Variants in CAB39 observed in about 807,000 individuals in gnomAD.
CAB39 encodes the protein calcium-binding protein 39.
CAB39 carries 8 observed loss-of-function variants against 40.0 expected under a neutral mutation model. The observed-to-expected ratio is 0.20, with a 90% CI of 0.12 to 0.36. CAB39 has a LOEUF of 0.36. CAB39 is among the 10% of genes least tolerant of loss of function. The probability of loss-of-function intolerance (pLI) is 1.00; values close to 1 mark genes in which losing one functional copy is unlikely to be tolerated. For missense variants in CAB39, 270 were observed against 401.1 expected, an observed-to-expected ratio of 0.67 and a Z score of 2.79; for synonymous variants, 156 against 141.6, an observed-to-expected ratio of 1.10 and a Z score of -0.72.
chr2:230,752,520 G>A (rs956167969), intron 1 of CAB39, among the ~76,000 whole-genome samples: 2 of 152,176 alleles, frequency 1.3e-5, no homozygotes, highest in African/African-American at 4.8e-5. Flanking sequence ...TGGCAGAAGA[G>A]AGCAATCCAC....
intron 1 of CAB39, among the ~76,000 whole-genome samples, chr2:230,755,766 T>C (rs975716004): frequency 6.6e-6 from 1 of 152,234 alleles, no homozygotes. Flanking sequence ...ATTTGTGTTA[T>C]TCCCTTAAAT....
intron 1 of CAB39, among the ~76,000 whole-genome samples, chr2:230,755,042 C>T (rs572605444): frequency 1.3e-5 from 2 of 152,062 alleles, no homozygotes; most frequent in Non-Finnish European, 2.9e-5. Flanking sequence ...GAGTAGTAGT[C>T]CATCATATAT....
intron 1 of CAB39, among the ~76,000 whole-genome samples, chr2:230,745,209 T>A (rs539054141): frequency 6.6e-6 from 1 of 152,364 alleles, no homozygotes; most frequent in South Asian, 2.1e-4. Flanking sequence ...GAATTAATGG[T>A]CTACTTGACA....
intron 1 of CAB39, among the ~76,000 whole-genome samples, chr2:230,715,881 A>G (rs1410752779): frequency 1.3e-5 from 2 of 152,100 alleles, no homozygotes; most frequent in African/African-American, 4.8e-5. Context: ...TTGTATTTTT[A>G]TAGAGACAGG....
intron 2 of CAB39, among the ~76,000 whole-genome samples, chr2:230,767,892 A>G (rs1695415605): frequency 6.6e-6 from 1 of 152,024 alleles, no homozygotes; most frequent in Non-Finnish European, 1.5e-5. Context: ...CTTACCTCCT[A>G]TATTTTTCAA....
Position 230,818,821 on chromosome 2 carries a change from G to T in CAB39, c.*117G>T, listed in dbSNP as rs1212386002. 2 of 830,252 alleles carry T rather than the reference G, an allele frequency of 2.4e-6. No individual in the cohort carries two copies. The highest frequency in any genetic ancestry group is 2.8e-5 in the Admixed American group (1 of 35,786). The allele number at this position is 830,252 out of a possible 1,614,324, so 51.4% of individuals were successfully genotyped here. ...CTGCTAATCTGCTGTTAAGTGAACG[G>T]TTTTTCATTTTACCCTTTTGTTTTT... On this transcript the variant is annotated 3_prime_UTR_variant, in exon 9 of 9. Coordinates refer to ENST00000258418, the MANE Select transcript of CAB39 (RefSeq NM_016289.4).
At chr2:230,759,037 A>G (rs900891979) in intron 1 of CAB39, among the ~76,000 whole-genome samples, 1 of 152,082 alleles carries the variant, frequency 6.6e-6, no homozygotes, top group Admixed American at 6.5e-5. Context: ...ATGTGGTTGA[A>G]ATGTTGTTTT....
chr2:230,714,287 G>T (rs529445408), intron 1 of CAB39, among the ~76,000 whole-genome samples: 1 of 152,282 alleles, frequency 6.6e-6, no homozygotes, highest in Admixed American at 6.5e-5. Context: ...TATTAAAGGC[G>T]CTCTTGTGAA....
chr2:230,740,045 A>G (rs1323673421), intron 1 of CAB39, among the ~76,000 whole-genome samples: 3 of 152,200 alleles, frequency 2.0e-5, no homozygotes, highest in African/African-American at 7.2e-5. Flanking sequence ...ATGTCAGTAT[A>G]ATTTTACATA....
intron 1 of CAB39, among the ~76,000 whole-genome samples, chr2:230,731,092 A>G (rs1694680646): frequency 6.6e-6 from 1 of 152,256 alleles, no homozygotes; most frequent in Non-Finnish European, 1.5e-5. Context: ...GTGTCTGATA[A>G]GAGATGGTCT....
chr2:230,718,711 G>A (rs1480371902), intron 1 of CAB39, among the ~76,000 whole-genome samples: 1 of 152,140 alleles, frequency 6.6e-6, no homozygotes, highest in Non-Finnish European at 1.5e-5. Flanking sequence ...GGCTTTTCCA[G>A]GGGGGAGAAA....
At chr2:230,745,044 A>C (rs185263358) in intron 1 of CAB39, among the ~76,000 whole-genome samples, 11 of 152,368 alleles carry the variant, frequency 7.2e-5, no homozygotes, top group African/African-American at 2.4e-4. Flanking sequence ...GAAAATTTTT[A>C]AGGATTAACA....
intron 2 of CAB39, among the ~76,000 whole-genome samples, chr2:230,777,868 C>T (rs542470776): frequency 3.0e-4 from 45 of 152,224 alleles, no homozygotes; most frequent in African/African-American, 1.1e-3. Context: ...AGGGTAAATT[C>T]CTGAAAGTAT....
At chr2:230,803,074 A>G (rs1289906052) in intron 5 of CAB39, among the ~76,000 whole-genome samples, 3 of 152,220 alleles carry the variant, frequency 2.0e-5, no homozygotes, top group African/African-American at 4.8e-5. Context: ...AGTGGGCTTC[A>G]TCCCTTCGAT....
intron 1 of CAB39, among the ~76,000 whole-genome samples, chr2:230,727,068 G>GA (rs1284671364): frequency 6.6e-6 from 1 of 151,968 alleles, no homozygotes; most frequent in Non-Finnish European, 1.5e-5. Context: ...ATATCCAGAA[G>GA]AAAGTGACCA....
At chr2:230,779,708 A>G (rs1695654250) in intron 2 of CAB39, among the ~76,000 whole-genome samples, 1 of 152,142 alleles carries the variant, frequency 6.6e-6, no homozygotes, top group Non-Finnish European at 1.5e-5. Flanking sequence ...GCGCTTTCCA[A>G]AGCCCTTGAA....
chr2:230,801,972 T>A (rs1014933095), intron 5 of CAB39, among the ~76,000 whole-genome samples: 3 of 152,140 alleles, frequency 2.0e-5, no homozygotes, highest in Non-Finnish European at 4.4e-5. Flanking sequence ...TTTTTTTCTT[T>A]TTTGAGGAAT....
chr2:230,818,267 A>G (rs1696438907), intron 8 of CAB39: 1 of 483,138 alleles, frequency 2.1e-6, no homozygotes, highest in Admixed American at 3.8e-5. Context: ...CAAAGTCTGT[A>G]TTTAATACTA....
In CAB39 at chr2:230,715,712, T is replaced by C. The variant is rs1694336392; in HGVS notation, c.-44+2482T>C. Among the ~76,000 whole-genome samples the C allele has an allele frequency of 2.0e-5, 3 of 152,216 alleles. No individual in the cohort carries two copies. The East Asian group carries it at 5.8e-4, about 29-fold the overall frequency. On this transcript the variant is annotated intron_variant, in intron 1 of 8. Transcript: ENST00000258418. ...TGGTATTTGCCTTTTTGGTTTTGTT[T>C]TGTTTTTTGAGACAGGTTCTCACTC...
Sources: gnomAD v4.1 joint callset for allele counts (sites outside exome capture counted in the v4.1 genomes callset) on GRCh38, gnomAD v4.1.1 for gene constraint, MANE v1.5 for transcripts, NCBI Gene and HGNC (gene_info 2026-07-23, HGNC 2026-07-21) for gene names.